The following CALD1 variants were observed in gnomAD, a reference collection of about 807,000 sequenced individuals.
CALD1 encodes caldesmon.
A neutral mutation model predicts 99.9 loss-of-function variants in CALD1; 33 were observed. The observed-to-expected ratio is 0.33, with a 90% CI of 0.25 to 0.44. The LOEUF is 0.44. Among genes scored for constraint, CALD1 ranks in the 20% least tolerant of loss-of-function variants. The pLI is 1.00. For missense variants in CALD1, 861 were observed against 962.1 expected (o/e 0.89, Z 1.39); for synonymous variants, 310 against 325.0 (o/e 0.95, Z 0.50).
At chr7:134,941,282 A>C in intron 7 of CALD1, 45 bp downstream of exon 7, 7 of 1,467,902 alleles carry the variant, frequency 4.8e-6, no homozygotes, top group Non-Finnish European at 6.5e-6. Context: ...TCACATGCAA[A>C]GAAAAAAAAA....
intron 2 of CALD1, among the ~76,000 whole-genome samples, chr7:134,863,553 C>A (rs1800658556): frequency 6.6e-6 from 1 of 152,284 alleles, no homozygotes; most frequent in Middle Eastern, 3.4e-3. Flanking sequence ...GTGAGCATAC[C>A]CACACACACC....
At chr7:134,739,138 G>A in the CALD1 span, among the ~76,000 whole-genome samples, 1 of 152,146 alleles carries the variant, frequency 6.6e-6, no homozygotes, top group Non-Finnish European at 1.5e-5. Flanking sequence ...TACTTTGAAT[G>A]GTTTTTGGAG....
chr7:134,950,628 C>T, intron 9 of CALD1, 114 bp downstream of exon 9: 1 of 870,268 alleles, frequency 1.1e-6, no homozygotes, highest in Non-Finnish European at 1.8e-6. Flanking sequence ...TGCTATCCTT[C>T]CAAGTTAATC....
chr7:134,934,197 C>CTGTTCA, intron 5 of CALD1, 120 bp downstream of exon 5: 11 of 1,457,294 alleles, frequency 7.5e-6, no homozygotes, highest in Non-Finnish European at 9.2e-6. Context: ...ATTTGGCAAG[C>CTGTTCA]TGTTCATTTT....
rs142768886 is a variant in CALD1, at chr7:134,966,918, C to A, written c.2377-1422C>A. Among the ~76,000 whole-genome samples, 304 of 152,212 alleles carry A rather than the reference C, an allele frequency of 2.0e-3. 2 individuals are homozygous for A. Among genetic ancestry groups the A allele is most frequent in the Non-Finnish European group, 3.7e-3 (254 of 67,998 alleles). ...ACCCATGGAATGGTTCCCAGGAAGA[C>A]ATTCTCCACACACCACTGTGGGAGG... is the stretch of plus-strand genomic sequence containing the variant. On this transcript the variant is annotated intron_variant, in intron 14 of 14. Transcript: ENST00000361675.
intron 3 of CALD1, among the ~76,000 whole-genome samples, chr7:134,903,160 G>C (rs1315433614): frequency 6.6e-6 from 1 of 152,166 alleles, no homozygotes; most frequent in Non-Finnish European, 1.5e-5. Flanking sequence ...AGGCACTAGG[G>C]CAAGAAGAGA....
chr7:134,905,906 T>C (rs1803337983), intron 3 of CALD1, among the ~76,000 whole-genome samples: 1 of 151,474 alleles, frequency 6.6e-6, no homozygotes, highest in Admixed American at 6.6e-5. Flanking sequence ...CGGCATAATT[T>C]TGGACCTCTC....
intron 1 of CALD1, among the ~76,000 whole-genome samples, chr7:134,836,102 G>T: frequency 6.8e-6 from 1 of 146,304 alleles, no homozygotes; most frequent in East Asian, 2.0e-4. Context: ...CTGAGATCGC[G>T]TCACTGCACT....
intron 3 of CALD1, among the ~76,000 whole-genome samples, chr7:134,920,088 A>C (rs1056359240): frequency 1.3e-5 from 2 of 152,174 alleles, no homozygotes; most frequent in African/African-American, 4.8e-5. Flanking sequence ...GTTTCTATAA[A>C]CTTCTTTTAA....
At chr7:134,895,372 A>C (rs1171838668) in intron 3 of CALD1, among the ~76,000 whole-genome samples, 3 of 150,464 alleles carry the variant, frequency 2.0e-5, no homozygotes, top group African/African-American at 4.9e-5. Context: ...CTTTGCCTTC[A>C]TTAAAGCAGA....
chr7:134,876,820 A>G (rs972455846), intron 3 of CALD1, among the ~76,000 whole-genome samples: 1 of 152,230 alleles, frequency 6.6e-6, no homozygotes, highest in African/African-American at 2.4e-5. Context: ...TGAAAAAGAT[A>G]AGAACTGATT....
intron 1 of CALD1, among the ~76,000 whole-genome samples, chr7:134,828,658 T>C (rs1218811201): frequency 2.0e-5 from 3 of 152,196 alleles, no homozygotes; most frequent in Non-Finnish European, 1.5e-5. Flanking sequence ...ATATACTACC[T>C]ATATCATAGG....
intron 1 of CALD1, among the ~76,000 whole-genome samples, chr7:134,822,854 C>T (rs1287690088): frequency 1.3e-5 from 2 of 152,172 alleles, no homozygotes; most frequent in Non-Finnish European, 2.9e-5. Context: ...TTGCCTCTAT[C>T]TCCCTGGCTA....
chr7:134,807,088 A>AT (rs1798169983), intron 1 of CALD1, among the ~76,000 whole-genome samples: 1 of 135,086 alleles, frequency 7.4e-6, no homozygotes, highest in Non-Finnish European at 1.6e-5. Flanking sequence ...TTTGTATGCA[A>AT]GTGGAGAAGC....
In CALD1 at chr7:134,852,282, G is replaced by T. The variant is rs552418430; in HGVS notation, c.-42+8311G>T. On this transcript the variant is annotated intron_variant, in intron 2 of 14. Transcript: ENST00000361675. Reference sequence around the variant, plus strand: ...AGGTTATGGGCAGCAAGAAGCCAGAGACAAAGGCCCAGAGGCAGAAATGAG... The same window carrying T: ...AGGTTATGGGCAGCAAGAAGCCAGATACAAAGGCCCAGAGGCAGAAATGAG... Among the ~76,000 whole-genome samples, 85 of 151,518 alleles carry T rather than the reference G, an allele frequency of 5.6e-4. 1 individual carries two copies. The highest frequency in any genetic ancestry group is 3.3e-3 in the Admixed American group (50 of 15,214).
At chr7:134,863,920 G>T (rs1800676178) in intron 2 of CALD1, among the ~76,000 whole-genome samples, 1 of 152,072 alleles carries the variant, frequency 6.6e-6, no homozygotes, top group Non-Finnish European at 1.5e-5. Context: ...TTGAAAAGAG[G>T]CAGAGAAAAA....
At chr7:134,850,824 C>T (rs1799357346) in intron 2 of CALD1, among the ~76,000 whole-genome samples, 2 of 152,126 alleles carry the variant, frequency 1.3e-5, no homozygotes, top group Admixed American at 1.3e-4. Flanking sequence ...TGGGAGGGAC[C>T]AGGTGGGAAG....
chr7:134,868,021 CAATT>C, intron 3 of CALD1: 1 of 354,574 alleles, frequency 2.8e-6, no homozygotes. Flanking sequence ...TGAGAGGAAT[CAATT>C]GATAACTGCA....
intron 7 of CALD1, among the ~76,000 whole-genome samples, chr7:134,946,572 T>A (rs1284065220): frequency 6.6e-6 from 1 of 152,220 alleles, no homozygotes; most frequent in African/African-American, 2.4e-5. Flanking sequence ...ATAAGTGGAA[T>A]CACACAATAT....
Sources: allele counts gnomAD v4.1 joint callset (sites outside exome capture counted in the v4.1 genomes callset), GRCh38; gene constraint gnomAD v4.1.1; transcripts MANE v1.5; gene names NCBI Gene and HGNC (gene_info 2026-07-23, HGNC 2026-07-21).